The following ADAMTSL1 variants were observed in gnomAD, a reference collection of about 807,000 sequenced individuals.
ADAMTSL1 encodes the protein ADAMTS like 1.
In ADAMTSL1, 126 loss-of-function variants were observed where a neutral mutation model predicts 201.8. The observed-to-expected ratio is 0.62, with a 90% CI of 0.54 to 0.72. ADAMTSL1 has a LOEUF of 0.72. ADAMTSL1 is among the 30% of genes least tolerant of loss of function. The pLI, the probability that ADAMTSL1 is intolerant of heterozygous loss-of-function variation, is 0.00. For synonymous variants in ADAMTSL1, 1,121 were observed against 903.4 expected (o/e 1.24, Z -4.32); for missense variants, 2,679 against 2,277.8 (o/e 1.18, Z -3.59).
At chr9:18,182,273 A>T (rs1409592456) in intron 2 of ADAMTSL1, among the ~76,000 whole-genome samples, 2 of 152,058 alleles carry the variant, frequency 1.3e-5, no homozygotes, top group African/African-American at 4.8e-5. Context: ...AAGTACCCTA[A>T]AACTTAAAGT....
chr9:18,022,690 A>G (rs775667312), intron 1 of ADAMTSL1, among the ~76,000 whole-genome samples: 37 of 152,192 alleles, frequency 2.4e-4, no homozygotes, highest in Admixed American at 7.9e-4. Context: ...AGCAATTTTA[A>G]AAAAGCTAAT....
At chr9:18,108,509 G>C (rs1460432028) in intron 1 of ADAMTSL1, among the ~76,000 whole-genome samples, 2 of 152,034 alleles carry the variant, frequency 1.3e-5, no homozygotes, top group Non-Finnish European at 2.9e-5. Context: ...CGAGAATCAT[G>C]ATCTTAAAGG....
At chr9:18,558,659 T>A (rs541784760) in intron 3 of ADAMTSL1, among the ~76,000 whole-genome samples, 7 of 152,302 alleles carry the variant, frequency 4.6e-5, no homozygotes, top group South Asian at 4.1e-4. Context: ...CTCCACATCC[T>A]CTCCAGCATC....
At chr9:18,032,818 G>T (rs1323342049) in intron 1 of ADAMTSL1, among the ~76,000 whole-genome samples, 1 of 152,116 alleles carries the variant, frequency 6.6e-6, no homozygotes, top group African/African-American at 2.4e-5. Context: ...GGGTTTTTTG[G>T]AGTTCCTTTA....
intron 21 of ADAMTSL1, among the ~76,000 whole-genome samples, chr9:18,824,844 C>A (rs1824438259): frequency 6.6e-6 from 1 of 151,828 alleles, no homozygotes; most frequent in Non-Finnish European, 1.5e-5. Flanking sequence ...ATTACAGGTG[C>A]CCACCACCAT....
chr9:18,255,779 C>T (rs896363362), intron 2 of ADAMTSL1, among the ~76,000 whole-genome samples: 3 of 152,168 alleles, frequency 2.0e-5, no homozygotes. Context: ...TGCCCACTCC[C>T]TCCCACCTCT....
At chr9:18,314,734 C>T (rs962299719) in intron 2 of ADAMTSL1, among the ~76,000 whole-genome samples, 2 of 137,596 alleles carry the variant, frequency 1.5e-5, no homozygotes, top group African/African-American at 2.7e-5. Context: ...GCTTCCACAG[C>T]GTGGAAGGGG....
At chr9:18,202,140 G>A (rs1251876092) in intron 2 of ADAMTSL1, among the ~76,000 whole-genome samples, 1 of 152,064 alleles carries the variant, frequency 6.6e-6, no homozygotes, top group African/African-American at 2.4e-5. Context: ...AAAAATCAGT[G>A]CATTTCCCAG....
At chr9:18,691,958 A>G (rs1831247467) in intron 13 of ADAMTSL1, among the ~76,000 whole-genome samples, 1 of 152,216 alleles carries the variant, frequency 6.6e-6, no homozygotes, top group Non-Finnish European at 1.5e-5. Context: ...TCTAATAACC[A>G]CTTAATACAA....
intron 2 of ADAMTSL1, among the ~76,000 whole-genome samples, chr9:18,404,959 A>T (rs570491002): frequency 6.6e-6 from 1 of 152,088 alleles, no homozygotes; most frequent in Admixed American, 6.5e-5. Context: ...TTGCCCCTGG[A>T]TTTAGTCTGC....
chr9:17,979,181 A>C (rs1233443280), intron 1 of ADAMTSL1, among the ~76,000 whole-genome samples: 3 of 152,098 alleles, frequency 2.0e-5, no homozygotes, highest in Admixed American at 2.0e-4. Flanking sequence ...GGAGACTTTC[A>C]GGATTCATAA....
chr9:18,572,438 CA>C (rs1416002811), intron 3 of ADAMTSL1, among the ~76,000 whole-genome samples: 1 of 152,030 alleles, frequency 6.6e-6, no homozygotes, highest in East Asian at 1.9e-4. Context: ...TCTTTTCAGA[CA>C]ATATTCAAAA....
At chr9:18,748,748 T>G (rs921614839) in intron 15 of ADAMTSL1, among the ~76,000 whole-genome samples, 1 of 152,202 alleles carries the variant, frequency 6.6e-6, no homozygotes, top group East Asian at 1.9e-4. Flanking sequence ...CCAGGCACCA[T>G]GCTCAACACT....
At chr9:17,928,882 A>C (rs1028278796) in intron 1 of ADAMTSL1, among the ~76,000 whole-genome samples, 4 of 152,214 alleles carry the variant, frequency 2.6e-5, no homozygotes, top group Non-Finnish European at 5.9e-5. Flanking sequence ...CAGACAAGGT[A>C]GAATTTTAGA....
chr9:18,332,415 C>G (rs1162235924), intron 2 of ADAMTSL1, among the ~76,000 whole-genome samples: 1 of 151,942 alleles, frequency 6.6e-6, no homozygotes, highest in Non-Finnish European at 1.5e-5. Context: ...TTGAGTTTTG[C>G]CTTCTCTTGC....
intron 2 of ADAMTSL1, among the ~76,000 whole-genome samples, chr9:18,295,289 T>C (rs150592361): frequency 6.6e-6 from 1 of 151,412 alleles, no homozygotes; most frequent in East Asian, 1.9e-4. Flanking sequence ...GAGGGCAAAA[T>C]GGATGATATT....
intron 2 of ADAMTSL1, among the ~76,000 whole-genome samples, chr9:18,204,432 C>A (rs1256072242): frequency 6.6e-6 from 1 of 152,108 alleles, no homozygotes; most frequent in Non-Finnish European, 1.5e-5. Context: ...GCCTCTCCAG[C>A]CATGCTGAAC....
chr9:18,608,092 AT>A (rs2132584577), intron 4 of ADAMTSL1, among the ~76,000 whole-genome samples: 1 of 152,322 alleles, frequency 6.6e-6, no homozygotes, highest in Non-Finnish European at 1.5e-5. Flanking sequence ...AACCATAAAA[AT>A]TGGAAATGCC....
intron 4 of ADAMTSL1, among the ~76,000 whole-genome samples, chr9:18,578,652 A>C (rs997092936): frequency 4.6e-5 from 7 of 152,362 alleles, no homozygotes; most frequent in African/African-American, 1.7e-4. Flanking sequence ...TAAGTAATCA[A>C]GTGCATTTAA....
Sources: allele counts gnomAD v4.1 joint callset (sites outside exome capture counted in the v4.1 genomes callset), GRCh38; gene constraint gnomAD v4.1.1; transcripts MANE v1.5; gene names NCBI Gene and HGNC (gene_info 2026-07-23, HGNC 2026-07-21).